The following IGSF21 variants were observed in gnomAD, a reference collection of about 807,000 sequenced individuals.
IGSF21 encodes immunoglobin superfamily member 21.
In IGSF21, 28 loss-of-function variants were observed where a neutral mutation model predicts 46.8. The ratio of observed to expected loss-of-function variants is 0.60; its 90% CI spans 0.44 to 0.82. The LOEUF (loss-of-function observed/expected upper bound fraction) is 0.82. Ranked by LOEUF, IGSF21 falls within the 40% of genes least tolerant of loss-of-function variation. The pLI is 0.00. For missense variants in IGSF21, 624 were observed against 665.5 expected, an observed-to-expected ratio of 0.94 and a Z score of 0.69; for synonymous variants, 284 against 273.6, an observed-to-expected ratio of 1.04 and a Z score of -0.38.
intron 1 of IGSF21, among the ~76,000 whole-genome samples, chr1:18,137,606 C>G (rs1023241022): frequency 6.6e-6 from 1 of 152,090 alleles, no homozygotes; most frequent in Non-Finnish European, 1.5e-5. Flanking sequence ...TTGTACAGTG[C>G]AGGACAAAGC....
At chr1:18,225,877 C>G (rs12035101) in intron 1 of IGSF21, among the ~76,000 whole-genome samples, 14,262 of 152,184 alleles carry the variant, frequency 0.094, 851 homozygotes, top group East Asian at 0.14. Flanking sequence ...TCATGGAGCC[C>G]GAAGGTTTGG....
rs1021424079 is a variant in IGSF21, at chr1:18,248,826, A to G, written c.183+20816A>G. ...AGGCAAGTTCTCTCTACACCCAAGG[A>G]GCTTACATCCTGTTGGGATGCAGAG... is the stretch of plus-strand genomic sequence containing the variant. On this transcript the variant is annotated intron_variant, in intron 2 of 9. Coordinates refer to ENST00000251296, the MANE Select transcript of IGSF21 (RefSeq NM_032880.5). 2.0e-5 allele frequency among the ~76,000 whole-genome samples: 3 copies of G among 152,024 alleles called. No individual in the cohort carries two copies. In the South Asian group the frequency reaches 6.2e-4, roughly 32 times the overall value.
At position 18,127,823 on chromosome 1, in the gene IGSF21, C is replaced by G. The variant is rs549928342; in HGVS notation, c.70+19625C>G. Among the ~76,000 whole-genome samples the G allele has an allele frequency of 1.0e-3, 156 of 152,280 alleles. 1 individual carries two copies. Among genetic ancestry groups the G allele is most frequent in the African/African-American group, 3.5e-3 (144 of 41,552 alleles). ...ACTCGGGAGGCTGAAGTGGGAGGATCACTTGAACCCGGGAAGTCGAGGTTA... is the reference window on the plus strand; with the variant it reads ...ACTCGGGAGGCTGAAGTGGGAGGATGACTTGAACCCGGGAAGTCGAGGTTA... On this transcript the variant is annotated intron_variant, in intron 1 of 9. Transcript: ENST00000251296.
chr1:18,307,569 C>A (rs967676627), intron 3 of IGSF21, among the ~76,000 whole-genome samples: 6 of 152,212 alleles, frequency 3.9e-5, no homozygotes, highest in African/African-American at 1.4e-4. Flanking sequence ...TTCAAACCCG[C>A]CTGCTGGGTG....
At chr1:18,121,322 C>T (rs148672371) in intron 1 of IGSF21, among the ~76,000 whole-genome samples, 252 of 152,254 alleles carry the variant, frequency 1.7e-3, no homozygotes, top group Non-Finnish European at 3.2e-3. Context: ...CTGGCTTCTA[C>T]GTGGAGATAA....
At chr1:18,306,702 G>A (rs1377387923) in intron 3 of IGSF21, among the ~76,000 whole-genome samples, 2 of 152,226 alleles carry the variant, frequency 1.3e-5, no homozygotes, top group East Asian at 1.9e-4. Flanking sequence ...TGAGCAGAGA[G>A]GCCTGGGTTC....
In IGSF21 at chr1:18,232,049, C is replaced by G. The variant is rs549586661; in HGVS notation, c.183+4039C>G. ...AGATGTCAAGAGAGTTGTCATCCCT[C>G]TAAGGTGCTGAGTATCGTAGTTGTC... On this transcript the variant is annotated intron_variant, in intron 2 of 9. Coordinates refer to ENST00000251296, the MANE Select transcript of IGSF21 (RefSeq NM_032880.5). Among the ~76,000 whole-genome samples the G allele has an allele frequency of 1.4e-4, 22 of 151,920 alleles. 1 individual carries two copies. In the South Asian group the frequency reaches 4.6e-3, roughly 32 times the overall value.
rs1029951947 is a variant in IGSF21 at position 18,334,666 on chromosome 1, T to C, written c.306-226T>C. Among the ~76,000 whole-genome samples the C allele has an allele frequency of 2.0e-5, 3 of 152,142 alleles. No individual in the cohort carries two copies. The highest frequency in any genetic ancestry group is 2.9e-5 in the Non-Finnish European group (2 of 68,022). ...TGCTCCAGGACCCACTGAGCACAAATTGGGCTCTGGCTGAACACAGTCCAC... is the reference window on the plus strand; with the variant it reads ...TGCTCCAGGACCCACTGAGCACAAACTGGGCTCTGGCTGAACACAGTCCAC... On this transcript the variant is annotated intron_variant, in intron 3 of 9. Transcript: ENST00000251296. This position sits in a 1 kb window ranked among gnomAD's most constrained non-coding sequence, Gnocchi z 4.3.
intron 3 of IGSF21, among the ~76,000 whole-genome samples, chr1:18,296,510 C>T (rs2085313660): frequency 6.6e-6 from 1 of 152,150 alleles, no homozygotes; most frequent in Non-Finnish European, 1.5e-5. Context: ...AGCAGGGTGG[C>T]TTGTTCAGAT....
chr1:18,203,668 A>G (rs2087099395), intron 1 of IGSF21, among the ~76,000 whole-genome samples: 2 of 152,166 alleles, frequency 1.3e-5, no homozygotes, highest in South Asian at 4.2e-4. Flanking sequence ...TTGAATCTGA[A>G]GTCACTTCAT....
chr1:18,116,562 T>C (rs1406067013), intron 1 of IGSF21, among the ~76,000 whole-genome samples: 5 of 152,130 alleles, frequency 3.3e-5, no homozygotes, highest in Non-Finnish European at 5.9e-5. Flanking sequence ...GAGAGTGGGG[T>C]CACTGTTTCT....
Position 18,333,858 on chromosome 1 carries a change from GA to G in IGSF21, c.306-1032del, listed in dbSNP as rs1413392929. On this transcript the variant is annotated intron_variant, in intron 3 of 9. Transcript: ENST00000251296. ...CATCGCCTATTTTTTTACAACTTGT[GA>G]ACTGAGAATGCTTTTTATACTTTGA... Among the ~76,000 whole-genome samples, 12 of 152,248 alleles carry G rather than the reference GA, an allele frequency of 7.9e-5. No individual in the cohort carries two copies. In the South Asian group the frequency reaches 2.5e-3, roughly 32 times the overall value.
At position 18,191,905 on chromosome 1, in the gene IGSF21, T is replaced by C. The variant is rs533897746; in HGVS notation, c.71-35993T>C. ...CCGGGATGGGTGGGGCAAGGGCAGA[T>C]CTTTGTGGAAGGCGCTGGCCCTGCC... is the stretch of plus-strand genomic sequence containing the variant. On this transcript the variant is annotated intron_variant, in intron 1 of 9. Transcript: ENST00000251296. 4.7e-4 allele frequency among the ~76,000 whole-genome samples: 72 copies of C among 152,258 alleles called. 2 individuals carry two copies. In the South Asian group the frequency reaches 0.014, roughly 30 times the overall value.
chr1:18,209,717 C>T (rs950202682), intron 1 of IGSF21, among the ~76,000 whole-genome samples: 10 of 151,420 alleles, frequency 6.6e-5, no homozygotes, highest in African/African-American at 1.5e-4. Context: ...ACCTTGGCCT[C>T]GTAAAGTGCT....
intron 2 of IGSF21, among the ~76,000 whole-genome samples, chr1:18,273,375 C>CTTTCT (rs2085063536): frequency 7.0e-6 from 1 of 142,272 alleles, no homozygotes; most frequent in African/African-American, 2.7e-5. Context: ...CTTTCCTTTC[C>CTTTCT]TTTCCTTTCC....
chr1:18,314,657 A>C (rs1239650897), intron 3 of IGSF21, among the ~76,000 whole-genome samples: 2 of 152,208 alleles, frequency 1.3e-5, no homozygotes, highest in Non-Finnish European at 1.5e-5. Flanking sequence ...AGTGACTTGC[A>C]GTGAAGCTGG....
At chr1:18,355,829 C>CTTTTT (rs61589417) in intron 4 of IGSF21, among the ~76,000 whole-genome samples, 3 of 88,980 alleles carry the variant, frequency 3.4e-5, no homozygotes, top group African/African-American at 4.4e-5. Context: ...TGTCTAGACT[C>CTTTTT]TTTTTTTTTT....
At chr1:18,295,790 G>C (rs796554500) in intron 3 of IGSF21, among the ~76,000 whole-genome samples, 1 of 152,200 alleles carries the variant, frequency 6.6e-6, no homozygotes, top group African/African-American at 2.4e-5. Context: ...GAGAAGTGCC[G>C]GGGAGTTGAC....
rs1239990345 is a variant in IGSF21 at position 18,273,461 on chromosome 1, TC to T, written c.184-18404del. 4.7e-3 allele frequency among the ~76,000 whole-genome samples: 320 copies of T among 67,846 alleles called. 23 individuals carry two copies. Among genetic ancestry groups the T allele is most frequent in the African/African-American group, 0.019 (298 of 15,686 alleles). 44.5% of individuals were successfully genotyped at this position (67,846 alleles called of 152,430 possible). ...TTCTTTCTCACTTTCTTTCTTTCTC[TC>T]TCTTTCTTTCTTTCTTTCTTTCTTT... On this transcript the variant is annotated intron_variant, in intron 2 of 9. Coordinates refer to ENST00000251296, the MANE Select transcript of IGSF21 (RefSeq NM_032880.5).
Sources: allele counts gnomAD v4.1 joint callset (sites outside exome capture counted in the v4.1 genomes callset), GRCh38; gene constraint gnomAD v4.1.1; non-coding constraint Gnocchi (gnomAD v3.1); transcripts MANE v1.5; gene names NCBI Gene and HGNC (gene_info 2026-07-23, HGNC 2026-07-21).